PDS5A: variants seen among roughly 807,000 people sequenced by gnomAD.
The protein encoded by PDS5A is sister chromatid cohesion protein PDS5 homolog A.
Under a neutral mutation model 167.1 loss-of-function variants are expected in PDS5A, and 42 were observed. The observed-to-expected ratio is 0.25, with a 90% CI of 0.20 to 0.33. The LOEUF (loss-of-function observed/expected upper bound fraction) is 0.33, where lower values mean the gene tolerates loss of function less well. Among genes scored for constraint, PDS5A ranks in the 10% least tolerant of loss-of-function variants. The pLI is 1.00. For missense variants in PDS5A, 1,033 were observed against 1,605.9 expected (o/e 0.64, Z 6.10); for synonymous variants, 553 against 554.6 (o/e 1.00, Z 0.04).
At chr4:39,903,596 A>G (rs1723059819) in intron 12 of PDS5A, among the ~76,000 whole-genome samples, 1 of 152,232 alleles carries the variant, frequency 6.6e-6, no homozygotes, top group African/African-American at 2.4e-5. Context: ...AGTTAACTCA[A>G]TAGTGCTCTC....
chr4:39,918,177 T>C (rs1724570262), intron 7 of PDS5A, among the ~76,000 whole-genome samples: 1 of 113,798 alleles, frequency 8.8e-6, no homozygotes, highest in East Asian at 2.8e-4. Context: ...AACAAGACCC[T>C]GTCTCAAAAA....
At chr4:39,861,516 G>C (rs1241857523) in intron 26 of PDS5A, among the ~76,000 whole-genome samples, 1 of 152,108 alleles carries the variant, frequency 6.6e-6, no homozygotes, top group African/African-American at 2.4e-5. Flanking sequence ...TTAGATACAA[G>C]GAATAAGTTC....
intron 32 of PDS5A, among the ~76,000 whole-genome samples, chr4:39,828,527 C>T (rs1467529667): frequency 6.6e-6 from 1 of 152,148 alleles, no homozygotes; most frequent in Non-Finnish European, 1.5e-5. Flanking sequence ...ATTAAAATGG[C>T]TCTAGAAGCC....
chr4:39,887,307 G>C (rs1042568182), intron 17 of PDS5A, among the ~76,000 whole-genome samples: 1 of 151,990 alleles, frequency 6.6e-6, no homozygotes, highest in Admixed American at 6.6e-5. Flanking sequence ...TTTGTTGAGG[G>C]TATTTATCAT....
intron 7 of PDS5A, among the ~76,000 whole-genome samples, chr4:39,917,994 A>G (rs1287858445): frequency 1.3e-5 from 2 of 152,076 alleles, no homozygotes. Flanking sequence ...CCTGGGCAAC[A>G]CAGTGAGACC....
chr4:39,972,282 G>A (rs1730622603), intron 2 of PDS5A, among the ~76,000 whole-genome samples: 1 of 152,196 alleles, frequency 6.6e-6, no homozygotes, highest in South Asian at 2.1e-4. Flanking sequence ...AGCACTTTGG[G>A]AGGCCGAGGT....
At position 39,823,474 on chromosome 4, in the gene PDS5A, C is replaced by A. The variant is rs1408174496; in HGVS notation, c.*2011G>T. 1 of 152,452 alleles carries A rather than the reference C, an allele frequency of 6.6e-6. No homozygotes were observed. The highest frequency in any genetic ancestry group is 1.5e-5 in the Non-Finnish European group (1 of 68,016). The allele number at this position is 152,452 out of a possible 1,614,324, so 9.4% of individuals were successfully genotyped here. ...CTTGGTAATCTAGTAAACTGTGATG[C>A]CGGGCAATTAATCAAAGGGAGGAAG... On this transcript the variant is annotated 3_prime_UTR_variant, in exon 33 of 33. Transcript: ENST00000303538.
chr4:39,848,824 T>C, intron 28 of PDS5A, 27 bp downstream of exon 28: 1 of 1,547,964 alleles, frequency 6.5e-7, no homozygotes, highest in Non-Finnish European at 8.8e-7. Flanking sequence ...TTTAGTGTGG[T>C]AGGAAAAATG....
At chr4:39,951,129 G>A (rs1322711160) in intron 2 of PDS5A, among the ~76,000 whole-genome samples, 1 of 152,104 alleles carries the variant, frequency 6.6e-6, no homozygotes, top group Non-Finnish European at 1.5e-5. Flanking sequence ...CTGGGATCAT[G>A]TGACCCTCAT....
At chr4:39,829,823 T>C (rs887193703) in intron 32 of PDS5A, among the ~76,000 whole-genome samples, 6 of 150,662 alleles carry the variant, frequency 4.0e-5, no homozygotes, top group Admixed American at 6.6e-5. Flanking sequence ...TGGTGGTGGG[T>C]GCCTGTGGTC....
At chr4:39,840,820 T>C (rs975936683) in intron 31 of PDS5A, among the ~76,000 whole-genome samples, 4 of 152,228 alleles carry the variant, frequency 2.6e-5, no homozygotes, top group Non-Finnish European at 5.9e-5. Context: ...AATGGCATGA[T>C]GTTGGCTCAC....
chr4:39,904,578 C>T (rs1307566239), intron 11 of PDS5A, among the ~76,000 whole-genome samples: 4 of 152,188 alleles, frequency 2.6e-5, no homozygotes, highest in Non-Finnish European at 2.9e-5. Flanking sequence ...ATGATCCGCC[C>T]GCCTCGGCCC....
intron 11 of PDS5A, among the ~76,000 whole-genome samples, chr4:39,905,736 A>G (rs1280924390): frequency 1.3e-5 from 2 of 152,108 alleles, no homozygotes; most frequent in Non-Finnish European, 2.9e-5. Context: ...TCTCAGGGAG[A>G]TAAGATTTTA....
intron 2 of PDS5A, among the ~76,000 whole-genome samples, chr4:39,974,605 C>T (rs886830809): frequency 4.6e-5 from 7 of 152,018 alleles, no homozygotes; most frequent in Admixed American, 1.3e-4. Flanking sequence ...AGTGCAATGG[C>T]GCGATCTCCG....
At chr4:39,841,343 T>G (rs1716993347) in intron 31 of PDS5A, among the ~76,000 whole-genome samples, 1 of 152,032 alleles carries the variant, frequency 6.6e-6, no homozygotes, top group Admixed American at 6.6e-5. Flanking sequence ...TTCGCCATGT[T>G]GGCCAGGCTG....
intron 2 of PDS5A, among the ~76,000 whole-genome samples, chr4:39,960,088 G>A (rs572539438): frequency 2.0e-5 from 3 of 152,024 alleles, no homozygotes; most frequent in Non-Finnish European, 4.4e-5. Context: ...GTGAGACTTC[G>A]TCTCAAAAAA....
Position 39,917,119 on chromosome 4 carries a change from T to G in PDS5A, c.805A>C (p.Ile269Leu). Residue 269 changes from isoleucine (I) to leucine (L), a missense_variant, in exon 8 of 33, where the codon ATT becomes CTT. By Grantham distance (5) the Ile-to-Leu change is conservative (BLOSUM62 2). This residue lies in a region of PDS5A where 388 missense variants were observed against 615.1 expected (regional missense o/e 0.63). Coordinates refer to ENST00000303538, the MANE Select transcript of PDS5A (RefSeq NM_001100399.2). ...GGATCTATAGCAAAAAGTTCCTGAA[T>G]CAGATCAAATACATGTTCTGACAAA... ...SDLSEHVFDLIQELFAIDPHL... is the reference protein window; with the variant it reads ...SDLSEHVFDLLQELFAIDPHL... 6.4e-7 allele frequency: 1 copy of G among 1,563,812 alleles called. No homozygotes were observed. The highest frequency in any genetic ancestry group is 8.6e-7 in the Non-Finnish European group (1 of 1,156,284).
chr4:39,927,666 T>A (rs1478352884), intron 3 of PDS5A, among the ~76,000 whole-genome samples: 3 of 152,232 alleles, frequency 2.0e-5, no homozygotes, highest in African/African-American at 4.8e-5. Flanking sequence ...CTGCTATTTA[T>A]CCCTGGAACA....
intron 20 of PDS5A, 143 bp downstream of exon 20, chr4:39,874,142 TAGAC>T (rs762164965): frequency 4.1e-5 from 25 of 605,756 alleles, no homozygotes; most frequent in African/African-American, 1.5e-4. Flanking sequence ...CCACATAAAA[TAGAC>T]AGAATCCTTG....
Sources: allele counts gnomAD v4.1 joint callset (sites outside exome capture counted in the v4.1 genomes callset), GRCh38; gene constraint gnomAD v4.1.1; regional missense constraint gnomAD v4.1.1; transcripts MANE v1.5; gene names NCBI Gene and HGNC (gene_info 2026-07-23, HGNC 2026-07-21).